The following DDX31 variants were observed in gnomAD, a reference collection of about 807,000 sequenced individuals.
The protein encoded by DDX31 is DEAD-box helicase 31.
Under a neutral mutation model 91.3 loss-of-function variants are expected in DDX31, and 70 were observed. The observed-to-expected ratio is 0.77, with a 90% CI of 0.63 to 0.94. The LOEUF is 0.94. Ranked by LOEUF, DDX31 falls within the 40% of genes least tolerant of loss-of-function variation. The pLI, the probability that DDX31 is intolerant of heterozygous loss-of-function variation, is 0.00. For missense variants in DDX31, 902 were observed against 925.0 expected (o/e 0.98, Z 0.32); for synonymous variants, 362 against 350.6 (o/e 1.03, Z -0.36).
At position 132,637,910 on chromosome 9, in the gene DDX31, C is replaced by T. The variant is rs534765217; in HGVS notation, c.1440+4094G>A. 2.1e-5 allele frequency: 21 copies of T among 992,910 alleles called. No homozygotes were observed. In the South Asian group the frequency reaches 9.3e-4, roughly 44 times the overall value. The allele number at this position is 992,910 out of a possible 1,614,324, so 61.5% of individuals were successfully genotyped here. ...TTGGGACACAGAACTGACATTGTGA[C>T]TCTTCACAGCCGTATCTCCTTTGTC... On this transcript the variant is annotated intron_variant, in intron 14 of 19. Coordinates refer to ENST00000372159, the MANE Select transcript of DDX31 (RefSeq NM_022779.9).
chr9:132,620,726 G>T (rs78106436), intron 17 of DDX31, among the ~76,000 whole-genome samples: 7 of 152,244 alleles, frequency 4.6e-5, no homozygotes, highest in Admixed American at 1.3e-4. Flanking sequence ...GAAGACAGAG[G>T]GGGGCAGAGT....
chr9:132,645,685 A>T (rs778132151), intron 13 of DDX31, among the ~76,000 whole-genome samples: 1 of 152,160 alleles, frequency 6.6e-6, no homozygotes, highest in Non-Finnish European at 1.5e-5. Context: ...TGGGAACAAT[A>T]GACTCCCCTT....
At chr9:132,628,889 C>A (rs1005224168) in intron 16 of DDX31, among the ~76,000 whole-genome samples, 1 of 152,232 alleles carries the variant, frequency 6.6e-6, no homozygotes, top group African/African-American at 2.4e-5. Context: ...TCTGCATGTA[C>A]ACAAATTCCT....
intron 1 of DDX31, among the ~76,000 whole-genome samples, chr9:132,666,471 A>C (rs1043224031): frequency 6.6e-6 from 1 of 152,116 alleles, no homozygotes; most frequent in Non-Finnish European, 1.5e-5. Context: ...GGTTTTTAAA[A>C]ATCTTTTTTC....
intron 1 of DDX31, among the ~76,000 whole-genome samples, chr9:132,669,127 A>G (rs993567123): frequency 1.3e-5 from 2 of 152,146 alleles, no homozygotes; most frequent in Admixed American, 1.3e-4. Flanking sequence ...GACAACAGAC[A>G]AGTGTTTCCT....
chr9:132,600,339 C>T (rs1279764067), intron 19 of DDX31, among the ~76,000 whole-genome samples: 3 of 151,916 alleles, frequency 2.0e-5, no homozygotes, highest in African/African-American at 7.3e-5. Flanking sequence ...CCCCAGAAGA[C>T]ACTCGGCTCC....
At chr9:132,638,409 A>G (rs1833260697) in intron 14 of DDX31, 2 of 1,613,626 alleles carry the variant, frequency 1.2e-6, no homozygotes, top group Non-Finnish European at 1.7e-6. Flanking sequence ...CCAGTGTCTG[A>G]TATCTGATCC....
In DDX31 at chr9:132,662,742, A is replaced by G. The variant is rs369988816; in HGVS notation, c.76-47T>C. On this transcript the variant is annotated intron_variant, in intron 1 of 19. Transcript: ENST00000372159. ...AGATCAACAAGAGATGCATTAGTCC[A>G]TGAAAACAGAGCTCGGAGTGAAGCC... 45 of 1,610,312 alleles carry G rather than the reference A, an allele frequency of 2.8e-5. No homozygotes were observed. The African/African-American group carries it at 5.3e-4, about 19-fold the overall frequency.
At chr9:132,637,863 A>C in intron 14 of DDX31, 1 of 987,196 alleles carries the variant, frequency 1.0e-6, no homozygotes, top group Non-Finnish European at 1.2e-6. Flanking sequence ...CCCCAGAGAA[A>C]AGCACGAAAG....
intron 14 of DDX31, among the ~76,000 whole-genome samples, chr9:132,635,147 T>C (rs1833029397): frequency 6.6e-6 from 1 of 152,144 alleles, no homozygotes; most frequent in Non-Finnish European, 1.5e-5. Flanking sequence ...TGGTTCCATG[T>C]CGGGAAACAC....
At chr9:132,599,156 A>G (rs1374256284) in intron 19 of DDX31, among the ~76,000 whole-genome samples, 1 of 152,248 alleles carries the variant, frequency 6.6e-6, no homozygotes, top group Non-Finnish European at 1.5e-5. Context: ...ACTACATGAC[A>G]TAGGCATTTA....
At chr9:132,626,506 C>A (rs753346935) in intron 16 of DDX31, among the ~76,000 whole-genome samples, 1 of 152,076 alleles carries the variant, frequency 6.6e-6, no homozygotes, top group Non-Finnish European at 1.5e-5. Context: ...GAGAGACTTG[C>A]GTGTCAGAGA....
At chr9:132,652,988 C>T (rs1366463791) in intron 6 of DDX31, among the ~76,000 whole-genome samples, 1 of 151,984 alleles carries the variant, frequency 6.6e-6, no homozygotes, top group Non-Finnish European at 1.5e-5. Context: ...ACTAACACAC[C>T]CACTAACCCC....
intron 18 of DDX31, among the ~76,000 whole-genome samples, chr9:132,614,932 G>C (rs1257510711): frequency 1.3e-5 from 2 of 152,174 alleles, no homozygotes; most frequent in Non-Finnish European, 2.9e-5. Context: ...GGATAATTCA[G>C]AGAAGCAGGA....
intron 14 of DDX31, among the ~76,000 whole-genome samples, chr9:132,633,446 A>G (rs1001501185): frequency 2.7e-5 from 4 of 149,322 alleles, no homozygotes; most frequent in Non-Finnish European, 5.9e-5. Context: ...TAATTTGTAG[A>G]TCTAGAAAAA....
intron 13 of DDX31, among the ~76,000 whole-genome samples, chr9:132,643,141 A>G (rs1833604191): frequency 1.3e-5 from 2 of 152,188 alleles, no homozygotes; most frequent in Non-Finnish European, 1.5e-5. Flanking sequence ...TAATATTGCA[A>G]TCAATGCTGT....
At chr9:132,622,875 A>T (rs1426381399) in intron 17 of DDX31, among the ~76,000 whole-genome samples, 1 of 152,232 alleles carries the variant, frequency 6.6e-6, no homozygotes, top group African/African-American at 2.4e-5. Context: ...TCATGCTTGT[A>T]ATCCCAGCAC....
intron 19 of DDX31, among the ~76,000 whole-genome samples, chr9:132,607,208 T>C (rs1831077200): frequency 6.6e-6 from 1 of 152,218 alleles, no homozygotes; most frequent in African/African-American, 2.4e-5. Flanking sequence ...CTCTTCCTAC[T>C]GATCAGTGCC....
At chr9:132,635,531 T>C (rs1484985027) in intron 14 of DDX31, among the ~76,000 whole-genome samples, 1 of 149,236 alleles carries the variant, frequency 6.7e-6, no homozygotes, top group Non-Finnish European at 1.5e-5. Flanking sequence ...CTTGATCTCC[T>C]GGACGTCATG....
Sources: allele counts gnomAD v4.1 joint callset (sites outside exome capture counted in the v4.1 genomes callset), GRCh38; gene constraint gnomAD v4.1.1; transcripts MANE v1.5; gene names NCBI Gene and HGNC (gene_info 2026-07-23, HGNC 2026-07-21).